The following ARHGEF10 variants were observed in gnomAD, a reference collection of about 807,000 sequenced individuals.
The protein encoded by ARHGEF10 is Rho guanine nucleotide exchange factor (GEF) 10.
ARHGEF10 carries 140 observed loss-of-function variants against 147.4 expected under a neutral mutation model. That is an observed-to-expected ratio of 0.95 (90% confidence interval 0.83 to 1.09). The LOEUF (loss-of-function observed/expected upper bound fraction) is 1.09. ARHGEF10 is among the 50% of genes least tolerant of loss of function. The pLI is 0.00. For synonymous variants in ARHGEF10, 902 were observed against 695.8 expected (o/e 1.30, Z -4.67); for missense variants, 2,222 against 1,752.7 (o/e 1.27, Z -4.78).
chr8:1,863,721 C>T (rs1388025374), intron 4 of ARHGEF10, among the ~76,000 whole-genome samples: 14 of 152,128 alleles, frequency 9.2e-5, no homozygotes, highest in Non-Finnish European at 1.5e-5. Context: ...GGTCTAAGTT[C>T]GTACCCCACC....
chr8:1,877,694 C>T (rs572045703), intron 8 of ARHGEF10, among the ~76,000 whole-genome samples: 29 of 151,654 alleles, frequency 1.9e-4, no homozygotes, highest in African/African-American at 4.4e-4. Context: ...TCCCAGGTCT[C>T]GGTGGTGCCA....
At chr8:1,896,492 T>C (rs1454747355) in intron 14 of ARHGEF10, 43 bp downstream of exon 14, 5 of 1,349,982 alleles carry the variant, frequency 3.7e-6, no homozygotes, top group Non-Finnish European at 4.3e-6. Context: ...CACCATCTGA[T>C]AACAAGTTAC....
chr8:1,875,729 G>C (rs1055604397), intron 7 of ARHGEF10, among the ~76,000 whole-genome samples: 1 of 152,176 alleles, frequency 6.6e-6, no homozygotes, highest in Non-Finnish European at 1.5e-5. Context: ...TAAGTGACAA[G>C]TTCATGTCTA....
intron 8 of ARHGEF10, among the ~76,000 whole-genome samples, chr8:1,877,638 G>T (rs1018139602): frequency 6.6e-6 from 1 of 151,202 alleles, no homozygotes; most frequent in Non-Finnish European, 1.5e-5. Context: ...TCTGGAATTG[G>T]GTGGTTGTGA....
At chr8:1,824,383 G>T (rs1234852299) in intron 1 of ARHGEF10, among the ~76,000 whole-genome samples, 1 of 152,010 alleles carries the variant, frequency 6.6e-6, no homozygotes, top group African/African-American at 2.4e-5. Flanking sequence ...TGGCCCCAGG[G>T]GCAGGAGCGA....
chr8:1,909,587 A>G, intron 18 of ARHGEF10, 117 bp downstream of exon 18: 1 of 1,371,354 alleles, frequency 7.3e-7, no homozygotes, highest in Non-Finnish European at 1.0e-6. Flanking sequence ...TAACATGGCA[A>G]GTCTGCAGAG....
In ARHGEF10 at chr8:1,952,818, A is replaced by C. The variant is rs762022391; in HGVS notation, c.3511A>C (p.Lys1171Gln). The change falls in exon 28 of 29, where the codon AAA (lysine) becomes CAA (glutamine). Residue 1171 changes from lysine to glutamine, a missense_variant. Physicochemically the swap from Lys to Gln is moderately conservative, Grantham distance 53. Transcript: ENST00000349830. ...LPVPRLQGIP[K>Q]VTGRGMVSYH... ...GGTCCCACGTCTGCAAGGGATTCCCAAAGTGACCGGTGAGTGGCACCTGCA... is the reference window on the plus strand; with the variant it reads ...GGTCCCACGTCTGCAAGGGATTCCCCAAGTGACCGGTGAGTGGCACCTGCA... 6.2e-7 allele frequency: 1 copy of C among 1,613,924 alleles called. No individual in the cohort carries two copies. The highest frequency in any genetic ancestry group is 8.5e-7 in the Non-Finnish European group (1 of 1,180,046).
intron 18 of ARHGEF10, among the ~76,000 whole-genome samples, chr8:1,919,596 C>T (rs1222388733): frequency 1.3e-5 from 2 of 149,532 alleles, no homozygotes; most frequent in Admixed American, 6.6e-5. Flanking sequence ...TGGAGCTGTT[C>T]TGTGGGTGAT....
chr8:1,880,193 C>A (rs77494765), intron 9 of ARHGEF10, 29 bp downstream of exon 9: 19 of 1,519,500 alleles, frequency 1.3e-5, no homozygotes, highest in Non-Finnish European at 1.6e-5. Flanking sequence ...CCGCTGCCCC[C>A]ACTTGCCAGC....
At chr8:1,920,136 G>GATGGGGCTGTT (rs1812165769) in intron 18 of ARHGEF10, among the ~76,000 whole-genome samples, 1 of 151,890 alleles carries the variant, frequency 6.6e-6, no homozygotes. Flanking sequence ...TGTTCTGTGT[G>GATGGGGCTGTT]CCCTGGAGTT....
chr8:1,823,485 A>C (rs1802525282), upstream of ARHGEF10, among the ~76,000 whole-genome samples: 1 of 151,480 alleles, frequency 6.6e-6, no homozygotes, highest in Non-Finnish European at 1.5e-5. Context: ...CCCCTCCCTC[A>C]GGTGAGCTCA....
chr8:1,940,096 A>T (rs1813963715), intron 26 of ARHGEF10, among the ~76,000 whole-genome samples: 1 of 152,166 alleles, frequency 6.6e-6, no homozygotes, highest in Non-Finnish European at 1.5e-5. Context: ...GGTTTTTTTA[A>T]ATCATCTTTC....
At position 1,896,419 on chromosome 8, in the gene ARHGEF10, C is replaced by T. The variant is rs1809976217; in HGVS notation, c.1527C>T (p.Ala509=). The change falls in exon 14 of 29, where the codon GCC becomes GCT. Residue 509 remains alanine (A), a synonymous_variant. Transcript: ENST00000349830. ...TGGCAGTCCTCAAGAAAACATGTGC[C>T]ACAAAGCCCGCTTTTCTTGAATTTT... ...TAVAVLKKTC[A]TKPAFLEFLK... is the part of the protein sequence containing the mutation. 1 of 1,613,766 alleles carries T rather than the reference C, an allele frequency of 6.2e-7. No individual in the cohort carries two copies. Among genetic ancestry groups the T allele is most frequent in the South Asian group, 1.1e-5 (1 of 91,002 alleles).
chr8:1,889,220 G>GGTGAGGGTTGTGTGAGATACTTAGTGGT (rs56072337), intron 11 of ARHGEF10, among the ~76,000 whole-genome samples: 37,354 of 89,830 alleles, frequency 0.42, 13,106 homozygotes, highest in East Asian at 0.88. Context: ...CACTGAATGG[G>GGTGAGGGTTGTGTGAGATACTTAGTGGT]GTGAGGGTTG....
chr8:1,908,397 A>AT (rs1377277469), intron 17 of ARHGEF10, among the ~76,000 whole-genome samples: 1 of 151,700 alleles, frequency 6.6e-6, no homozygotes, highest in Non-Finnish European at 1.5e-5. Flanking sequence ...CACCCAGCTA[A>AT]TTTTTTAAAT....
intron 27 of ARHGEF10, among the ~76,000 whole-genome samples, chr8:1,947,290 A>G (rs1814668982): frequency 6.6e-6 from 1 of 152,184 alleles, no homozygotes; most frequent in African/African-American, 2.4e-5. Flanking sequence ...CCGAGCCTCC[A>G]AATCCTGCCC....
chr8:1,883,595 C>G lies in ARHGEF10; in HGVS notation c.1075+846C>G, dbSNP rs112443125. ...TCAGGAGGCCTTTTCCTCTTTCAGT[C>G]CTAATGAAGCCCTCGGCATCTCAGA... On this transcript the variant is annotated intron_variant, in intron 10 of 28. Coordinates refer to ENST00000349830, the MANE Select transcript of ARHGEF10 (RefSeq NM_014629.4). Among the ~76,000 whole-genome samples the G allele has an allele frequency of 3.1e-3, 465 of 152,272 alleles. 1 individual carries two copies. The highest frequency in any genetic ancestry group is 0.01 in the African/African-American group (419 of 41,560).
Position 1,923,047 on chromosome 8 carries a change from C to G in ARHGEF10, c.2227C>G (p.Gln743Glu). 1 of 1,612,904 alleles carries G rather than the reference C, an allele frequency of 6.2e-7. No homozygotes were observed. The highest frequency in any genetic ancestry group is 8.5e-7 in the Non-Finnish European group (1 of 1,179,390). ...CTTAAATGTAATTGGCCAAATCACT[C>G]AGCTGATAGGAAACCTTAAAGGAAA... ...HDLNVIGQIT[Q>E]LIGNLKGNYQ... The change falls in exon 19 of 29, where the codon CAG becomes GAG. Residue 743 changes from glutamine (Q) to glutamate (E), a missense_variant. Physicochemically the swap from Gln to Glu is conservative, Grantham distance 29 (BLOSUM62 2). Transcript: ENST00000349830.
chr8:1,891,381 T>C (rs1809513004), intron 11 of ARHGEF10, among the ~76,000 whole-genome samples: 1 of 152,226 alleles, frequency 6.6e-6, no homozygotes, highest in African/African-American at 2.4e-5. Context: ...ATGCTGTATA[T>C]TAAACATTCT....
Sources: gnomAD v4.1 joint callset for allele counts (sites outside exome capture counted in the v4.1 genomes callset) on GRCh38, gnomAD v4.1.1 for gene constraint, MANE v1.5 for transcripts, NCBI Gene and HGNC (gene_info 2026-07-23, HGNC 2026-07-21) for gene names.